The following SOD2 variants were observed in gnomAD, a reference collection of about 807,000 sequenced individuals.
The protein encoded by SOD2 is superoxide dismutase [Mn], mitochondrial.
A neutral mutation model predicts 27.0 loss-of-function variants in SOD2; 11 were observed. The observed-to-expected ratio is 0.41, with a 90% CI of 0.26 to 0.67. The LOEUF (loss-of-function observed/expected upper bound fraction) is 0.67. Ranked by LOEUF, SOD2 falls within the 30% of genes least tolerant of loss-of-function variation. The pLI, the probability that SOD2 is intolerant of heterozygous loss-of-function variation, is 0.34. For synonymous variants in SOD2, 105 were observed against 103.0 expected (o/e 1.02, Z -0.12); for missense variants, 250 against 274.5 (o/e 0.91, Z 0.63).
At chr6:159,729,424 T>C (rs529907808), upstream of SOD2, among the ~76,000 whole-genome samples, 1 of 152,356 alleles carries the variant, frequency 6.6e-6, no homozygotes, top group East Asian at 1.9e-4. Flanking sequence ...AACTTCATTG[T>C]GTATTGTGTA....
chr6:159,752,301 A>G (rs1272717707), intron 1 of SOD2, among the ~76,000 whole-genome samples: 2 of 152,222 alleles, frequency 1.3e-5, no homozygotes, highest in Non-Finnish European at 2.9e-5. Context: ...CCAAGTCTCA[A>G]AGGTAAATAT....
At position 159,714,042 on chromosome 6, in the gene SOD2, T is replaced by C. The variant is rs895725569; in HGVS notation, c.-116+13087A>G. The C allele has an allele frequency of 4.9e-5, 32 of 649,216 alleles. No homozygotes were observed. The South Asian group carries it at 6.2e-4, about 13-fold the overall frequency. 40.2% of individuals were successfully genotyped at this position (649,216 alleles called of 1,614,324 possible). ...TTGGCGGAATGCAATTTTGGTGTAG[T>C]GGGCAATTATCCTCCTTCTGCCTTC... On this transcript the variant is annotated intron_variant, in intron 1 of 2. Coordinates refer to the SOD2 transcript ENST00000401980.
chr6:159,704,536 G>A (rs903748754), intron 1 of SOD2, among the ~76,000 whole-genome samples: 4 of 152,220 alleles, frequency 2.6e-5, no homozygotes, highest in African/African-American at 9.7e-5. Flanking sequence ...TGCTAGCACA[G>A]CAGCCTGAGA....
upstream of SOD2, among the ~76,000 whole-genome samples, chr6:159,728,205 T>C (rs1778335064): frequency 6.6e-6 from 1 of 152,256 alleles, no homozygotes; most frequent in Middle Eastern, 3.2e-3. Flanking sequence ...GGAAAGAAAC[T>C]GAATTATTGC....
At chr6:159,759,433 A>G (rs914806684) in intron 1 of SOD2, among the ~76,000 whole-genome samples, 2 of 150,070 alleles carry the variant, frequency 1.3e-5, no homozygotes, top group African/African-American at 2.4e-5. Flanking sequence ...GCACTTTGGG[A>G]GGCCGAGGTG....
Position 159,761,907 on chromosome 6 carries a change from C to A in SOD2, c.-1206G>T, listed in dbSNP as rs561301774. On this transcript the variant is annotated 5_prime_UTR_variant, in exon 1 of 8. Coordinates refer to the SOD2 transcript ENST00000546087. ...GCCCCGCGCCCCGCGCGCCTCCGCC[C>A]GCCCCTGCTCCGGCCTTGCGCCTGC... 4.3e-3 allele frequency: 2,067 copies of A among 483,036 alleles called. 9 individuals carry two copies. The highest frequency in any genetic ancestry group is 5.8e-3 in the Non-Finnish European group (1,788 of 308,666). The allele number at this position is 483,036 out of a possible 1,614,324, so 29.9% of individuals were successfully genotyped here.
upstream of SOD2, among the ~76,000 whole-genome samples, chr6:159,729,945 A>G (rs1778466762): frequency 6.6e-6 from 1 of 152,224 alleles, no homozygotes. Context: ...ACCAGTCTAG[A>G]CTGAACTCCA....
chr6:159,690,227 T>TA (rs1394961308), intron 2 of SOD2, among the ~76,000 whole-genome samples: 1 of 143,010 alleles, frequency 7.0e-6, no homozygotes, highest in African/African-American at 2.6e-5. Context: ...ACGGAGGTTG[T>TA]AGTGAGCCGA....
intron 1 of SOD2, among the ~76,000 whole-genome samples, chr6:159,754,793 T>C (rs1191615419): frequency 6.6e-6 from 1 of 152,306 alleles, no homozygotes; most frequent in East Asian, 1.9e-4. Context: ...GTTGCTTGAA[T>C]TCATTGTTGC....
upstream of SOD2, among the ~76,000 whole-genome samples, chr6:159,729,436 A>C (rs1778429548): frequency 6.6e-6 from 1 of 152,228 alleles, no homozygotes; most frequent in African/African-American, 2.4e-5. Context: ...TATTGTGTAT[A>C]ACAAGATGTT....
At chr6:159,741,904 T>G (rs1779279306) in intron 1 of SOD2, 1 of 483,944 alleles carries the variant, frequency 2.1e-6, no homozygotes, top group Non-Finnish European at 3.7e-6. Context: ...AGACCCTGTT[T>G]GCGCCACGCT....
intron 3 of SOD2, 143 bp downstream of exon 3, chr6:159,687,983 C>A: frequency 1.6e-6 from 1 of 617,008 alleles, no homozygotes; most frequent in Admixed American, 2.5e-5. Context: ...TGTACTCCAG[C>A]CTGGGCAACA....
intron 1 of SOD2, among the ~76,000 whole-genome samples, chr6:159,754,494 A>G (rs1378730385): frequency 6.6e-6 from 1 of 152,228 alleles, no homozygotes; most frequent in Non-Finnish European, 1.5e-5. Flanking sequence ...AGATGGATCA[A>G]AACAATTTTA....
chr6:159,761,904 G>T (rs1409585600), exon 1 of SOD2: 1 of 458,220 alleles, frequency 2.2e-6, no homozygotes, highest in Non-Finnish European at 3.4e-6. Context: ...GCGCGCCTCC[G>T]CCCGCCCCTG....
intron 1 of SOD2, among the ~76,000 whole-genome samples, chr6:159,708,744 T>G (rs1356627380): frequency 6.6e-6 from 1 of 152,210 alleles, no homozygotes; most frequent in Non-Finnish European, 1.5e-5. Flanking sequence ...ACCAATGACT[T>G]TCTTCACAGA....
upstream of SOD2, chr6:159,748,287 A>G: frequency 1.2e-6 from 2 of 1,614,162 alleles, no homozygotes; most frequent in Non-Finnish European, 1.7e-6. The surrounding 1 kb of genome is among the most constrained non-coding windows in gnomAD (Gnocchi z 5.6). Context: ...TTTCCTAAAA[A>G]TGAAAGGTGA....
At chr6:159,759,207 T>C (rs566262613) in intron 1 of SOD2, among the ~76,000 whole-genome samples, 2 of 131,644 alleles carry the variant, frequency 1.5e-5, no homozygotes, top group East Asian at 4.7e-4. Context: ...TTTACAGGCA[T>C]GTGGCACCAC....
chr6:159,692,476 A>T, intron 2 of SOD2, 185 bp downstream of exon 2: 1 of 1,443,116 alleles, frequency 6.9e-7, no homozygotes, highest in Non-Finnish European at 9.1e-7. Context: ...AAACCCATCG[A>T]GGCACTCCTT....
intron 1 of SOD2, among the ~76,000 whole-genome samples, chr6:159,735,305 A>T (rs1240373815): frequency 6.6e-6 from 1 of 152,048 alleles, no homozygotes; most frequent in African/African-American, 2.4e-5. Flanking sequence ...CGCCGGGCTA[A>T]TTTTTTTAAT....
Sources: gnomAD v4.1 joint callset for allele counts (sites outside exome capture counted in the v4.1 genomes callset) on GRCh38, gnomAD v4.1.1 for gene constraint, Gnocchi (gnomAD v3.1) non-coding constraint, MANE v1.5 for transcripts, NCBI Gene and HGNC (gene_info 2026-07-23, HGNC 2026-07-21) for gene names.